KLHL5: variants seen among roughly 807,000 people sequenced by gnomAD.
KLHL5 encodes the protein kelch like family member 5.
Under a neutral mutation model 77.7 loss-of-function variants are expected in KLHL5, and 48 were observed. That is an observed-to-expected ratio of 0.62 (90% CI 0.49 to 0.79). The LOEUF (loss-of-function observed/expected upper bound fraction) is 0.79. Ranked by LOEUF, KLHL5 falls within the 30% of genes least tolerant of loss-of-function variation. The pLI, the probability that KLHL5 is intolerant of heterozygous loss-of-function variation, is 0.00. For missense variants in KLHL5, 723 were observed against 859.7 expected (o/e 0.84, Z 1.99); for synonymous variants, 260 against 297.0 (o/e 0.88, Z 1.28).
intron 1 of KLHL5, among the ~76,000 whole-genome samples, chr4:39,074,848 A>G (rs1443248916): frequency 1.3e-5 from 2 of 152,166 alleles, no homozygotes. Context: ...GAGAAATGAG[A>G]ACTAAGTTAT....
At chr4:39,109,676 A>G (rs1047017917) in intron 8 of KLHL5, among the ~76,000 whole-genome samples, 1 of 143,442 alleles carries the variant, frequency 7.0e-6, no homozygotes, top group African/African-American at 2.6e-5. Flanking sequence ...GGAAGTGGAC[A>G]GACTCTTGCT....
intron 1 of KLHL5, among the ~76,000 whole-genome samples, chr4:39,073,462 A>G (rs962577557): frequency 5.9e-5 from 9 of 152,214 alleles, no homozygotes; most frequent in African/African-American, 9.6e-5. Flanking sequence ...GATACAAAAT[A>G]TAGGAGTCTT....
chr4:39,081,250 TG>T lies in KLHL5; in HGVS notation c.703+12del. 6.3e-7 allele frequency: 1 copy of T among 1,579,862 alleles called. No individual in the cohort carries two copies. The highest frequency in any genetic ancestry group is 8.6e-7 in the Non-Finnish European group (1 of 1,166,432). On this transcript the variant is annotated intron_variant, in intron 3 of 10. Coordinates refer to ENST00000504108, the MANE Select transcript of KLHL5 (RefSeq NM_015990.5). This position sits in a 1 kb window ranked among gnomAD's most constrained non-coding sequence, Gnocchi z 4.3. The stretch of plus-strand genomic sequence containing the variant: ...AGTATGCTTATACAGGTAACGAGTC[TG>T]AAAATGTAAATTAAAACCTCTTAGA...
At chr4:39,071,341 G>A (rs1162405596) in intron 1 of KLHL5, among the ~76,000 whole-genome samples, 1 of 151,588 alleles carries the variant, frequency 6.6e-6, no homozygotes, top group Non-Finnish European at 1.5e-5. Context: ...TTAGAGTTTC[G>A]GAAGAGCTTT....
chr4:39,107,875 A>T (rs1260528163), intron 8 of KLHL5, 144 bp downstream of exon 8: 1 of 557,760 alleles, frequency 1.8e-6, no homozygotes, highest in South Asian at 4.0e-5. Flanking sequence ...AATAGTTGTA[A>T]ATATATTGTT....
chr4:39,116,971 G>A (rs932172847), intron 10 of KLHL5, among the ~76,000 whole-genome samples: 4 of 152,024 alleles, frequency 2.6e-5, no homozygotes, highest in South Asian at 2.1e-4. Flanking sequence ...CCAGTAGCTG[G>A]GATTACAGGT....
chr4:39,086,325 T>C (rs113689117), intron 4 of KLHL5, among the ~76,000 whole-genome samples, 190 bp from the exon 5 acceptor site: 17 of 152,372 alleles, frequency 1.1e-4, no homozygotes, highest in Middle Eastern at 3.4e-3. Flanking sequence ...TGCATATGTT[T>C]AACAACATAA....
Position 39,123,787 on chromosome 4 carries a change from A to G in KLHL5, c.*2721A>G, listed in dbSNP as rs1229289247. Among the ~76,000 whole-genome samples the G allele has an allele frequency of 2.0e-5, 3 of 152,200 alleles. No individual in the cohort carries two copies. The highest frequency in any genetic ancestry group is 1.3e-4 in the Admixed American group (2 of 15,282). ...AAACATTGAAAATTTTTCCCCTAAT[A>G]TCATGAAAATTCCTGATTTCCCCAC... On this transcript the variant is annotated 3_prime_UTR_variant, in exon 11 of 11. Coordinates refer to ENST00000504108, the MANE Select transcript of KLHL5 (RefSeq NM_015990.5).
chr4:39,086,862 C>T (rs895627330), intron 5 of KLHL5, 135 bp downstream of exon 5: 22 of 598,572 alleles, frequency 3.7e-5, no homozygotes, highest in Admixed American at 6.0e-5. Flanking sequence ...GCTTTCAGTC[C>T]AGAAGATCTG....
chr4:39,061,574 A>G (rs1717416612), upstream of KLHL5, among the ~76,000 whole-genome samples: 1 of 152,110 alleles, frequency 6.6e-6, no homozygotes, highest in Non-Finnish European at 1.5e-5. Flanking sequence ...TTTTGAGTTT[A>G]TTTGTATTTG....
intron 1 of KLHL5, among the ~76,000 whole-genome samples, chr4:39,050,300 A>G (rs1486714602): frequency 6.6e-6 from 1 of 152,210 alleles, no homozygotes; most frequent in South Asian, 2.1e-4. Flanking sequence ...AAACAATGTT[A>G]CTTAAATTAG....
chr4:39,108,418 A>T (rs1299217449), intron 8 of KLHL5, among the ~76,000 whole-genome samples: 3 of 152,166 alleles, frequency 2.0e-5, no homozygotes, highest in Non-Finnish European at 4.4e-5. Flanking sequence ...AGAAAAAGAA[A>T]TGAATCAAGG....
chr4:39,127,036 G>T (rs572264047), downstream of KLHL5, among the ~76,000 whole-genome samples: 4 of 152,184 alleles, frequency 2.6e-5, no homozygotes, highest in South Asian at 8.3e-4. Context: ...TAAATACCTT[G>T]TTATTACTCC....
chr4:39,061,803 T>A (rs1411616330), upstream of KLHL5, among the ~76,000 whole-genome samples: 1 of 152,250 alleles, frequency 6.6e-6, no homozygotes, highest in Non-Finnish European at 1.5e-5. Context: ...AATCCTGGCC[T>A]CAGTTTATTT....
intron 7 of KLHL5, among the ~76,000 whole-genome samples, chr4:39,105,701 C>G (rs142389381): frequency 1.4e-3 from 200 of 147,846 alleles, no homozygotes; most frequent in African/African-American, 4.7e-3. Context: ...AACATGCATG[C>G]ATATTTATAT....
At chr4:39,093,761 C>T (rs1455758360) in intron 5 of KLHL5, among the ~76,000 whole-genome samples, 1 of 152,012 alleles carries the variant, frequency 6.6e-6, no homozygotes, top group Non-Finnish European at 1.5e-5. Flanking sequence ...CAAAAATTAG[C>T]TGGATGTGGT....
chr4:39,076,118 C>T lies in KLHL5; in HGVS notation c.537C>T (p.Val179=), dbSNP rs151171232. 166 of 1,604,020 alleles carry T rather than the reference C, an allele frequency of 1.0e-4. No homozygotes were observed. The highest frequency in any genetic ancestry group is 3.4e-4 in the Middle Eastern group (2 of 5,864). ...AACAGTTGTGTGATGTAATTTTAGT[C>T]GCTGGTGATCGCAGAATTCCAGCTC... The part of the protein sequence containing the change: ...RHKQLCDVIL[V]AGDRRIPAHR... Residue 179 remains valine (V), a synonymous_variant, in exon 2 of 11, where the codon GTC becomes GTT. Transcript: ENST00000504108.
intron 1 of KLHL5, among the ~76,000 whole-genome samples, chr4:39,075,288 G>T (rs959728768): frequency 1.3e-5 from 2 of 150,838 alleles, no homozygotes; most frequent in South Asian, 2.1e-4. Context: ...ACGAGATCGC[G>T]CCATTGCACT....
chr4:39,076,230 G>T, intron 2 of KLHL5, 83 bp downstream of exon 2: 4 of 1,196,466 alleles, frequency 3.3e-6, no homozygotes, highest in African/African-American at 1.6e-5. Context: ...TACTTCAATT[G>T]ACTATTATGT....
Sources: gnomAD v4.1 joint callset for allele counts (sites outside exome capture counted in the v4.1 genomes callset) on GRCh38, gnomAD v4.1.1 for gene constraint, Gnocchi (gnomAD v3.1) non-coding constraint, MANE v1.5 for transcripts, NCBI Gene and HGNC (gene_info 2026-07-23, HGNC 2026-07-21) for gene names.